The following SLC25A39 variants were observed in gnomAD, a reference collection of about 807,000 sequenced individuals.
SLC25A39 encodes solute carrier family 25 member 39.
A neutral mutation model predicts 46.6 loss-of-function variants in SLC25A39; 44 were observed. The ratio of observed to expected loss-of-function variants is 0.94; its 90% CI spans 0.74 to 1.21. The LOEUF is 1.21. SLC25A39 is among the 50% of genes most tolerant of loss of function. The pLI is 0.00. For missense variants in SLC25A39, 487 were observed against 473.0 expected (o/e 1.03, Z -0.28); for synonymous variants, 218 against 190.6 (o/e 1.14, Z -1.19).
In SLC25A39 at chr17:44,321,668, A is replaced by G. The variant is rs1224708717; in HGVS notation, c.392+32T>C. On this transcript the variant is annotated intron_variant, in intron 6 of 11. Coordinates refer to ENST00000377095, the MANE Select transcript of SLC25A39 (RefSeq NM_001143780.3). ...AGGGAGCAAAGGGTCAGGAAGTACCAGAGGAGAGTGGTGCAGGACCCGGCT... is the reference window on the plus strand; with the variant it reads ...AGGGAGCAAAGGGTCAGGAAGTACCGGAGGAGAGTGGTGCAGGACCCGGCT... 1.9e-6 allele frequency: 3 copies of G among 1,608,442 alleles called. No individual in the cohort carries two copies. In the South Asian group the frequency reaches 3.3e-5, roughly 18 times the overall value.
intron 4 of SLC25A39, 106 bp from the exon 5 acceptor site, chr17:44,322,658 A>ACACAGGG: frequency 1.3e-6 from 2 of 1,560,948 alleles, no homozygotes; most frequent in South Asian, 2.3e-5. Context: ...CCCTGTGTGG[A>ACACAGGG]TGTTCTGGTG....
At chr17:44,320,154 G>A (rs753792821) in intron 11 of SLC25A39, 38 bp from the exon 12 acceptor site, 18 of 1,613,750 alleles carry the variant, frequency 1.1e-5, no homozygotes, top group Middle Eastern at 1.6e-4. Context: ...GGGTCAGGTC[G>A]CAGGTCCGCC....
chr17:44,321,599 A>C (rs1598344085), intron 6 of SLC25A39, 41 bp from the exon 7 acceptor site: 1 of 1,611,314 alleles, frequency 6.2e-7, no homozygotes, highest in Non-Finnish European at 8.5e-7. Context: ...TCCCAAAAGG[A>C]CCCAAACTTT....
intron 3 of SLC25A39, 69 bp downstream of exon 3, chr17:44,323,215 G>C (rs1598348289): frequency 1.9e-6 from 3 of 1,581,840 alleles, no homozygotes; most frequent in Non-Finnish European, 1.7e-6. Flanking sequence ...GAGAAACCAC[G>C]GCCAGCCTCT....
Position 44,322,846 on chromosome 17 carries a change from A to C in SLC25A39, c.152T>G (p.Met51Arg). Reference protein sequence around the residue: ...SQRPSMASELMPSSRLWSLSY... With the variant: ...SQRPSMASELRPSSRLWSLSY... ...GAGGCTCCACAGTCTGGAGGAAGGC[A>C]TCAGCTCTAAAATACAAGGCAGCCC... Residue 51 changes from methionine (M) to arginine (R), a missense_variant, in exon 4 of 12, where the codon ATG (methionine) becomes AGG (arginine). Coordinates refer to ENST00000377095, the MANE Select transcript of SLC25A39 (RefSeq NM_001143780.3). 1 of 1,614,046 alleles carries C rather than the reference A, an allele frequency of 6.2e-7. No individual in the cohort carries two copies. Among genetic ancestry groups the C allele is most frequent in the Non-Finnish European group, 8.5e-7 (1 of 1,179,966 alleles).
chr17:44,319,744 AG>A lies in SLC25A39; in HGVS notation c.*256del. On this transcript the variant is annotated 3_prime_UTR_variant, in exon 12 of 12. Transcript: ENST00000377095. ...CTACAGCAAACACAGGGAAACACGAAGGGGGCAGCTGGAAGATTTGGTCTTG... is the reference window on the plus strand; with the variant it reads ...CTACAGCAAACACAGGGAAACACGAAGGGGCAGCTGGAAGATTTGGTCTTG... The A allele has an allele frequency of 2.0e-6, 1 of 502,130 alleles. No individual in the cohort carries two copies. Among genetic ancestry groups the A allele is most frequent in the Non-Finnish European group, 3.6e-6 (1 of 275,108 alleles). 31.1% of individuals were successfully genotyped at this position (502,130 alleles called of 1,614,324 possible). A position where few individuals can be genotyped will look rare whatever the true frequency, so the allele number is the denominator to read the frequency against.
Position 44,320,075 on chromosome 17 carries a change from T to C in SLC25A39, c.1006A>G (p.Ile336Val), listed in dbSNP as rs1310165078. 1.2e-6 allele frequency: 2 copies of C among 1,614,012 alleles called. No individual in the cohort carries two copies. The highest frequency in any genetic ancestry group is 4.5e-5 in the East Asian group (2 of 44,868). Reference sequence around the variant, plus strand: ...CCGAACTCATAGGTGCTGATCATGATGGCACAGGAGGGGGCAGCCTTGATG... The same window carrying C: ...CCGAACTCATAGGTGCTGATCATGACGGCACAGGAGGGGGCAGCCTTGATG... ...RIIKAAPSCA[I>V]MISTYEFGKS... The change falls in exon 12 of 12, where the codon ATC becomes GTC. Residue 336 changes from isoleucine to valine, a missense_variant. Coordinates refer to ENST00000377095, the MANE Select transcript of SLC25A39 (RefSeq NM_001143780.3).
chr17:44,321,638 T>C, intron 6 of SLC25A39, 62 bp downstream of exon 6: 2 of 1,607,518 alleles, frequency 1.2e-6, no homozygotes, highest in Non-Finnish European at 1.7e-6. Flanking sequence ...ACCTAGCCAT[T>C]CAACAGGGAG....
Position 44,323,478 on chromosome 17 carries a change from T to A in SLC25A39, c.85A>T (p.Met29Leu). 1 of 1,321,598 alleles carries A rather than the reference T, an allele frequency of 7.6e-7. No homozygotes were observed. Among genetic ancestry groups the A allele is most frequent in the Non-Finnish European group, 1.0e-6 (1 of 992,048 alleles). 81.9% of individuals were successfully genotyped at this position (1,321,598 alleles called of 1,614,324 possible). ...GTGAVVTSLF[M>L]TPLDVVKVRL... ...CCACCCCACCTCCCCTAGGTCTTAC[T>A]GAAGAGAGAGGTAACCACAGCCCCG... Residue 29 changes from methionine (M) to leucine (L), a missense_variant and splice_region_variant, in exon 2 of 12, where the codon ATG becomes TTG. Transcript: ENST00000377095.
rs2048022309 is a variant in SLC25A39, at chr17:44,321,234, G to A, written c.518-3C>T. 6.2e-7 allele frequency: 1 copy of A among 1,602,826 alleles called. No individual in the cohort carries two copies. Among genetic ancestry groups the A allele is most frequent in the African/African-American group, 1.3e-5 (1 of 74,758 alleles). ...GCTGATCACAGTCACGGTGCCCACT[G>A]TGTGGGGATTGGGGGTGACAATGGG... is the stretch of plus-strand genomic sequence containing the variant. On this transcript the variant is annotated splice_region_variant and splice_polypyrimidine_tract_variant and intron_variant, in intron 7 of 11. Transcript: ENST00000377095.
intron 4 of SLC25A39, 105 bp from the exon 5 acceptor site, chr17:44,322,657 G>A: frequency 1.3e-6 from 2 of 1,561,314 alleles, no homozygotes; most frequent in African/African-American, 1.4e-5. Context: ...TCCCTGTGTG[G>A]ATGTTCTGGT....
intron 2 of SLC25A39, 39 bp downstream of exon 2, chr17:44,323,439 A>AAAACCCCCCCCCCC: frequency 7.8e-6 from 2 of 257,114 alleles, no homozygotes; most frequent in East Asian, 2.0e-4. Flanking sequence ...GGTCTGCCCC[A>AAAACCCCCCCCCCC]TCCCCACCCG....
In SLC25A39 at chr17:44,323,486, G is replaced by A. The variant is rs1406198968; in HGVS notation, c.77C>T (p.Ser26Phe). The A allele has an allele frequency of 6.6e-7, 1 of 1,521,974 alleles. No homozygotes were observed. The highest frequency in any genetic ancestry group is 8.8e-7 in the Non-Finnish European group (1 of 1,130,678). The allele number at this position is 1,521,974 out of a possible 1,614,324, so 94.3% of individuals were successfully genotyped here. A position where few individuals can be genotyped will look rare whatever the true frequency, so the allele number is the denominator to read the frequency against. Reference sequence around the variant, plus strand: ...CCTCCCCTAGGTCTTACTGAAGAGAGAGGTAACCACAGCCCCGGTGCCTGA... The same window carrying A: ...CCTCCCCTAGGTCTTACTGAAGAGAAAGGTAACCACAGCCCCGGTGCCTGA... ...VASGTGAVVT[S>F]LFMTPLDVVK... is the part of the protein sequence containing the mutation. The change falls in exon 2 of 12, where the codon TCT (serine) becomes TTT (phenylalanine). Residue 26 changes from serine (S) to phenylalanine (F), a missense_variant. By Grantham distance (155) the Ser-to-Phe change is radical. Coordinates refer to ENST00000377095, the MANE Select transcript of SLC25A39 (RefSeq NM_001143780.3).
rs1452971227 is a variant in SLC25A39 at position 44,322,800 on chromosome 17, G to A, written c.190+8C>T. 2 of 1,614,028 alleles carry A rather than the reference G, an allele frequency of 1.2e-6. No homozygotes were observed. The highest frequency in any genetic ancestry group is 1.7e-5 in the Admixed American group (1 of 60,014). On this transcript the variant is annotated splice_region_variant and intron_variant, in intron 4 of 11. Coordinates refer to ENST00000377095, the MANE Select transcript of SLC25A39 (RefSeq NM_001143780.3). ...CCTCCCATGCTCCCTGTGGCTTGGG[G>A]CACTCACATTTGGTATAGGAGAGGC... is the stretch of plus-strand genomic sequence containing the variant.
intron 1 of SLC25A39, chr17:44,324,039 C>G (rs2048148356): frequency 1.8e-5 from 3 of 169,618 alleles, no homozygotes; most frequent in Admixed American, 5.8e-5. Context: ...TGTCCGCCCC[C>G]CTCCGCCGGG....
intron 10 of SLC25A39, 32 bp downstream of exon 10, chr17:44,320,323 C>G: frequency 6.2e-7 from 1 of 1,613,454 alleles, no homozygotes. Flanking sequence ...AGGACCCCAC[C>G]TGTCCCCTGC....
intron 3 of SLC25A39, 121 bp from the exon 4 acceptor site, chr17:44,322,973 AGCATAGT>A (rs1397495939): frequency 9.2e-7 from 1 of 1,083,202 alleles, no homozygotes; most frequent in Non-Finnish European, 1.3e-6. Flanking sequence ...CCCACCCTGG[AGCATAGT>A]GGCACAATCT....
At chr17:44,324,549 C>G (rs1209808388) in intron 1 of SLC25A39, 162 bp downstream of exon 1, 2 of 152,328 alleles carry the variant, frequency 1.3e-5, no homozygotes, top group Non-Finnish European at 2.9e-5. Flanking sequence ...ACCAGGACGT[C>G]TCCCCGACCC....
At chr17:44,320,576 C>T (rs368274431) in intron 9 of SLC25A39, 46 bp downstream of exon 9, 37 of 1,593,652 alleles carry the variant, frequency 2.3e-5, no homozygotes, top group Middle Eastern at 1.8e-4. Flanking sequence ...TCAGGCCCCC[C>T]GCAGGGAGAC....
Sources: allele counts gnomAD v4.1 joint callset, GRCh38; gene constraint gnomAD v4.1.1; transcripts MANE v1.5; gene names NCBI Gene and HGNC (gene_info 2026-07-23, HGNC 2026-07-21).